Variants in DDX11 observed in about 807,000 individuals in gnomAD.
The protein encoded by DDX11 is DEAD/H-box helicase 11.
DDX11 carries 72 observed loss-of-function variants against 125.2 expected under a neutral mutation model. The observed-to-expected ratio is 0.58, with a 90% CI of 0.48 to 0.70. The LOEUF (loss-of-function observed/expected upper bound fraction) is 0.70. Among genes scored for constraint, DDX11 ranks in the 30% least tolerant of loss-of-function variants. The probability of loss-of-function intolerance (pLI) is 0.00; values close to 1 mark genes in which losing one functional copy is unlikely to be tolerated. For synonymous variants in DDX11, 347 were observed against 452.6 expected, an observed-to-expected ratio of 0.77 and a Z score of 2.96; for missense variants, 883 against 1,165.0, an observed-to-expected ratio of 0.76 and a Z score of 3.52.
intron 2 of DDX11, among the ~76,000 whole-genome samples, chr12:31,078,936 T>C (rs1423611760): frequency 6.6e-6 from 1 of 152,106 alleles, no homozygotes; most frequent in Non-Finnish European, 1.5e-5. Flanking sequence ...ATCCGCCCGC[T>C]TCGGCCTCCC....
chr12:31,100,110 G>C (rs1327419769), intron 18 of DDX11, among the ~76,000 whole-genome samples: 1 of 152,276 alleles, frequency 6.6e-6, no homozygotes, highest in East Asian at 1.9e-4. Context: ...TTTGGTATTT[G>C]TGGGCTGTAT....
rs11545332 is a variant in DDX11 at position 31,104,061 on chromosome 12, G to A, written c.*225G>A. On this transcript the variant is annotated 3_prime_UTR_variant, in exon 27 of 27. Transcript: ENST00000542838. The stretch of plus-strand genomic sequence containing the variant: ...AGTGGGTCCTGGCTGTCCTTGGGGC[G>A]TTCCAGGGCAGCTCCCCTCCTGGAA... 0.25 allele frequency: 389,146 copies of A among 1,540,996 alleles called. 52,116 individuals are homozygous for A. The highest frequency in any genetic ancestry group is 0.28 in the Non-Finnish European group (313,951 of 1,141,472).
At chr12:31,090,907 C>G (rs4031306) in intron 9 of DDX11, 81,994 of 152,454 alleles carry the variant, frequency 0.54, 23,277 homozygotes, top group East Asian at 0.82. Context: ...CCTTCCCTCC[C>G]GTCTGTTTGC....
At chr12:31,092,779 A>G (rs1039224488) in intron 10 of DDX11, 67 bp from the exon 11 acceptor site, 66 of 1,503,196 alleles carry the variant, frequency 4.4e-5, no homozygotes, top group Middle Eastern at 1.8e-4. Context: ...CTTCTAGGTG[A>G]ATCTAAGATG....
rs1411087619 is a variant in DDX11, at chr12:31,091,849, G to T, written c.1220G>T (p.Ser407Ile). Reference sequence around the variant, plus strand: ...ATCGACACCATCACGGGCATGCACAGCGTGGAGGTCAGCGGCTCCCAGGTG... The same window carrying T: ...ATCGACACCATCACGGGCATGCACATCGTGGAGGTCAGCGGCTCCCAGGTG... Reference protein sequence around the residue: ...NLIDTITGMHSVEVSGSQLCQ... With the variant: ...NLIDTITGMHIVEVSGSQLCQ... Residue 407 changes from serine (S) to isoleucine (I), a missense_variant, in exon 10 of 27, where the codon AGC (serine) becomes ATC (isoleucine). Ser to Ile is a moderately radical substitution (Grantham distance 142). Transcript: ENST00000542838. The T allele has an allele frequency of 1.9e-6, 3 of 1,613,934 alleles. No individual in the cohort carries two copies. The highest frequency in any genetic ancestry group is 1.7e-6 in the Non-Finnish European group (2 of 1,179,864).
At chr12:31,076,203 C>T (rs1383207393) in intron 1 of DDX11, among the ~76,000 whole-genome samples, 7 of 152,086 alleles carry the variant, frequency 4.6e-5, no homozygotes, top group African/African-American at 1.4e-4. Context: ...GCTGAAAGGT[C>T]CAGGGGCTGA....
At chr12:31,091,966 G>T (rs1944323010) in intron 10 of DDX11, 95 bp downstream of exon 10, 1 of 1,562,768 alleles carries the variant, frequency 6.4e-7, no homozygotes, top group Admixed American at 1.7e-5. Flanking sequence ...TTCCTCCGGA[G>T]GTGGGGCTTG....
In DDX11 at chr12:31,103,313, C is replaced by G; in HGVS notation, c.2458-4C>G. ...TCCTGATGGGTCTTCCCCTTCACTC[C>G]CAGCCCAGAGCCCCCGGCCAGGCAC... On this transcript the variant is annotated splice_region_variant and splice_polypyrimidine_tract_variant and intron_variant, in intron 24 of 26. Transcript: ENST00000542838. 6.2e-7 allele frequency: 1 copy of G among 1,610,578 alleles called. No individual in the cohort carries two copies. Among genetic ancestry groups the G allele is most frequent in the Non-Finnish European group, 8.5e-7 (1 of 1,179,456 alleles).
chr12:31,098,844 C>A (rs1003470199), intron 18 of DDX11, among the ~76,000 whole-genome samples: 1 of 152,148 alleles, frequency 6.6e-6, no homozygotes, highest in South Asian at 2.1e-4. Context: ...AGGTCCTCCC[C>A]GTGGCCCGGT....
At chr12:31,101,314 T>C in intron 20 of DDX11, 184 bp downstream of exon 20, 1 of 644,282 alleles carries the variant, frequency 1.6e-6, no homozygotes, top group Non-Finnish European at 2.8e-6. Flanking sequence ...AGGTCTGAGC[T>C]TCCCCGCCCC....
chr12:31,089,029 C>T lies in DDX11; in HGVS notation c.685-15C>T, dbSNP rs1222976157. 1 of 1,612,214 alleles carries T rather than the reference C, an allele frequency of 6.2e-7. No individual in the cohort carries two copies. The highest frequency in any genetic ancestry group is 8.5e-7 in the Non-Finnish European group (1 of 1,178,460). The stretch of plus-strand genomic sequence containing the variant: ...TTGGTTCTCTCTTTGAAGCGCCTTT[C>T]TTTCTCTCTGCTAGATTTATTACTG... On this transcript the variant is annotated splice_polypyrimidine_tract_variant and intron_variant, in intron 6 of 26. Coordinates refer to ENST00000542838, the MANE Select transcript of DDX11 (RefSeq NM_030653.4).
intron 14 of DDX11, among the ~76,000 whole-genome samples, chr12:31,095,415 C>T (rs1239360526): frequency 3.3e-5 from 5 of 152,238 alleles, no homozygotes; most frequent in African/African-American, 9.6e-5. Flanking sequence ...GAGGTGACTT[C>T]AGGAGGGTGG....
intron 21 of DDX11, 64 bp downstream of exon 21, chr12:31,102,046 T>C (rs1354543145): frequency 8.2e-6 from 13 of 1,590,946 alleles, no homozygotes. Context: ...TCCTGGGAGC[T>C]CTCGTGCTCA....
rs1264622792 is a variant in DDX11 at position 31,103,393 on chromosome 12, T to C, written c.2534T>C (p.Ile845Thr). The C allele has an allele frequency of 4.4e-6, 7 of 1,608,490 alleles. No homozygotes were observed. Among genetic ancestry groups the C allele is most frequent in the Non-Finnish European group, 5.9e-6 (7 of 1,178,002 alleles). The stretch of plus-strand genomic sequence containing the variant: ...TGCATGAAGGCCGTCAACCAGTCCA[T>C]AGGTGAGCCTGGCTGCCTCCAGCTG... ...NLCMKAVNQS[I>T]GRAIRHQKDF... Residue 845 changes from isoleucine (I) to threonine (T), a missense_variant and splice_region_variant, in exon 25 of 27, where the codon ATA (isoleucine) becomes ACA (threonine). By Grantham distance (89) the Ile-to-Thr change is moderately conservative. Coordinates refer to ENST00000542838, the MANE Select transcript of DDX11 (RefSeq NM_030653.4).
In DDX11 at chr12:31,103,665, G is replaced by A. The variant is rs535982339; in HGVS notation, c.2625G>A (p.Pro875=). ...YARPPVLAKL[P]AWIRARVEVK... is the part of the protein sequence containing the mutation. ...GGCCCCCTGTCCTGGCCAAGCTGCC[G>A]GCCTGGATCCGAGCCCGTGTGGAGG... Residue 875 remains proline, a synonymous_variant, in exon 26 of 27, where the codon CCG becomes CCA. Transcript: ENST00000542838. The A allele has an allele frequency of 6.0e-5, 97 of 1,614,032 alleles. No individual in the cohort carries two copies. Among genetic ancestry groups the A allele is most frequent in the South Asian group, 5.2e-4 (47 of 91,040 alleles).
intron 1 of DDX11, among the ~76,000 whole-genome samples, chr12:31,075,307 T>A (rs1041199915): frequency 6.6e-6 from 1 of 151,924 alleles, no homozygotes; most frequent in Non-Finnish European, 1.5e-5. Context: ...TACTTACGTT[T>A]CTTCTGTATT....
intron 7 of DDX11, 54 bp from the exon 8 acceptor site, chr12:31,089,349 G>A: frequency 1.3e-6 from 2 of 1,593,492 alleles, no homozygotes; most frequent in South Asian, 2.2e-5. Flanking sequence ...GTGTTGGTAG[G>A]ATGTCATTTA....
intron 15 of DDX11, 89 bp from the exon 16 acceptor site, chr12:31,096,548 C>G: frequency 6.3e-7 from 1 of 1,588,708 alleles, no homozygotes; most frequent in Non-Finnish European, 8.6e-7. Context: ...CTGCAGGTGT[C>G]TTGGGCCTGG....
In DDX11 at chr12:31,091,710, C is replaced by T. The variant is rs777235655; in HGVS notation, c.1090-9C>T. On this transcript the variant is annotated splice_polypyrimidine_tract_variant and intron_variant, in intron 9 of 26. Coordinates refer to ENST00000542838, the MANE Select transcript of DDX11 (RefSeq NM_030653.4). The stretch of plus-strand genomic sequence containing the variant: ...CGCCCTGCTCAGGTGGCCTCATCTC[C>T]CCTCCCAGCTGGTGGTGCTGCCCTA... 2 of 1,605,644 alleles carry T rather than the reference C, an allele frequency of 1.2e-6. No individual in the cohort carries two copies. The highest frequency in any genetic ancestry group is 1.3e-5 in the African/African-American group (1 of 74,718).
Sources: gnomAD v4.1 joint callset for allele counts (sites outside exome capture counted in the v4.1 genomes callset) on GRCh38, gnomAD v4.1.1 for gene constraint, MANE v1.5 for transcripts, NCBI Gene and HGNC (gene_info 2026-07-23, HGNC 2026-07-21) for gene names.